Variants in KCND3 observed in about 807,000 individuals in gnomAD.
The protein encoded by KCND3 is A-type voltage-gated potassium channel KCND3.
Under a neutral mutation model 51.1 loss-of-function variants are expected in KCND3, and 9 were observed. That is an observed-to-expected ratio of 0.18 (90% CI 0.11 to 0.31). KCND3 has a LOEUF of 0.31. Among genes scored for constraint, KCND3 ranks in the 10% least tolerant of loss-of-function variants. The pLI is 1.00. For synonymous variants in KCND3, 349 were observed against 368.0 expected, an observed-to-expected ratio of 0.95 and a Z score of 0.59; for missense variants, 526 against 903.8, an observed-to-expected ratio of 0.58 and a Z score of 5.36.
intron 2 of KCND3, among the ~76,000 whole-genome samples, chr1:111,963,517 T>A (rs1053655608): frequency 1.3e-5 from 2 of 152,204 alleles, no homozygotes; most frequent in Admixed American, 6.5e-5. Flanking sequence ...TGCTGTGAAA[T>A]GGAATTAAAC....
intron 2 of KCND3, among the ~76,000 whole-genome samples, chr1:111,888,681 C>A (rs1244624780): frequency 7.2e-4 from 75 of 103,576 alleles, no homozygotes; most frequent in South Asian, 1.1e-3. Context: ...CACTCCATCT[C>A]AAAAAAAAAA....
intron 2 of KCND3, among the ~76,000 whole-genome samples, chr1:111,939,435 T>G (rs774598149): frequency 1.4e-4 from 21 of 152,162 alleles, no homozygotes; most frequent in Non-Finnish European, 2.4e-4. Flanking sequence ...TGTGCCCATA[T>G]GTTCTCATTG....
chr1:111,802,451 T>G (rs1006467646), intron 2 of KCND3, among the ~76,000 whole-genome samples: 8 of 152,272 alleles, frequency 5.3e-5, no homozygotes, highest in African/African-American at 1.4e-4. Flanking sequence ...GTCCCTGGCC[T>G]GCAAGTCTGC....
At chr1:111,887,038 G>A (rs1669602368) in intron 2 of KCND3, among the ~76,000 whole-genome samples, 2 of 152,192 alleles carry the variant, frequency 1.3e-5, no homozygotes, top group African/African-American at 4.8e-5. Flanking sequence ...CCAGGGAAAG[G>A]AGTGAGGCAT....
rs1663994047 is a variant in KCND3, at chr1:111,773,412, T to A, written c.*2665A>T. The A allele has an allele frequency of 8.0e-6, 1 of 125,642 alleles. No individual in the cohort carries two copies. The highest frequency in any genetic ancestry group is 3.2e-5 in the African/African-American group (1 of 30,880). The allele number at this position is 125,642 out of a possible 1,614,324, so 7.8% of individuals were successfully genotyped here. On this transcript the variant is annotated 3_prime_UTR_variant, in exon 8 of 8. Transcript: ENST00000302127. Reference sequence around the variant, plus strand: ...CAACCAGTTCTAATTTACCTCCTTTTTTTTTTTCTTTTCTTTTTTTTTTTT... The same window carrying A: ...CAACCAGTTCTAATTTACCTCCTTTATTTTTTTCTTTTCTTTTTTTTTTTT...
At position 111,883,729 on chromosome 1, in the gene KCND3, T is replaced by C. The variant is rs188845293; in HGVS notation, c.1107-96623A>G. 1.8e-3 allele frequency among the ~76,000 whole-genome samples: 275 copies of C among 152,354 alleles called. 2 individuals carry two copies. Among genetic ancestry groups the C allele is most frequent in the Non-Finnish European group, 2.1e-3 (145 of 68,038 alleles). On this transcript the variant is annotated intron_variant, in intron 2 of 7. Transcript: ENST00000302127. ...AACCATGTCAATGACTCTCCCTTTA[T>C]GCATCCACAGTCCTTTGTTTGAGCC...
chr1:111,872,192 G>A (rs1048037970), intron 2 of KCND3, among the ~76,000 whole-genome samples: 1 of 152,164 alleles, frequency 6.6e-6, no homozygotes, highest in Admixed American at 6.5e-5. Context: ...CCACTTTACA[G>A]GTAAGAGGAC....
At chr1:111,819,239 C>T (rs1188840312) in intron 2 of KCND3, among the ~76,000 whole-genome samples, 2 of 152,164 alleles carry the variant, frequency 1.3e-5, no homozygotes, top group Non-Finnish European at 2.9e-5. Context: ...GAGTGTGGGA[C>T]TGCTTCAGCT....
chr1:111,788,390 G>C (rs1021606772), intron 2 of KCND3, among the ~76,000 whole-genome samples: 5 of 152,170 alleles, frequency 3.3e-5, no homozygotes, highest in Non-Finnish European at 7.4e-5. Context: ...AAACCACGGG[G>C]CTTGGGTTTC....
chr1:111,818,158 C>T (rs1666192373), intron 2 of KCND3, among the ~76,000 whole-genome samples: 1 of 151,972 alleles, frequency 6.6e-6, no homozygotes, highest in African/African-American at 2.4e-5. Context: ...TGGTTCTAGG[C>T]AGTGAAGCTG....
chr1:111,800,549 AT>A (rs763802023), intron 2 of KCND3, among the ~76,000 whole-genome samples: 235 of 136,688 alleles, frequency 1.7e-3, no homozygotes, highest in African/African-American at 5.3e-3. Flanking sequence ...AAAAAAATAA[AT>A]TTAAAAAAAA....
chr1:111,979,512 T>C, intron 2 of KCND3, among the ~76,000 whole-genome samples: 1 of 151,964 alleles, frequency 6.6e-6, no homozygotes. Flanking sequence ...GAGGCCATAA[T>C]AAAAAAGTAA....
intron 2 of KCND3, among the ~76,000 whole-genome samples, chr1:111,804,425 T>C (rs1431220685): frequency 6.6e-6 from 1 of 152,234 alleles, no homozygotes; most frequent in Non-Finnish European, 1.5e-5. Flanking sequence ...ACCCTCCCTT[T>C]ACAACATTTC....
intron 2 of KCND3, among the ~76,000 whole-genome samples, chr1:111,842,785 G>A (rs1018839899): frequency 6.6e-6 from 1 of 152,200 alleles, no homozygotes; most frequent in South Asian, 2.1e-4. Context: ...AAGAGAAAAA[G>A]TTGGGGAGGT....
At chr1:111,907,982 C>G (rs1378917032) in intron 2 of KCND3, among the ~76,000 whole-genome samples, 5 of 152,196 alleles carry the variant, frequency 3.3e-5, no homozygotes, top group Non-Finnish European at 7.3e-5. Context: ...TTCATTTACT[C>G]AATTAATATT....
chr1:111,776,646 A>G (rs997447259), intron 7 of KCND3, among the ~76,000 whole-genome samples: 3 of 152,194 alleles, frequency 2.0e-5, no homozygotes, highest in Non-Finnish European at 2.9e-5. Context: ...TGGGATTCAA[A>G]TCAGCCTAGG....
Position 111,780,854 on chromosome 1 carries a change from G to T in KCND3, c.1270-63C>A. 2.8e-6 allele frequency: 4 copies of T among 1,422,402 alleles called. No individual in the cohort carries two copies. The highest frequency in any genetic ancestry group is 3.9e-6 in the Non-Finnish European group (4 of 1,026,230). The allele number at this position is 1,422,402 out of a possible 1,614,324, so 88.1% of individuals were successfully genotyped here. On this transcript the variant is annotated intron_variant, in intron 3 of 7. Transcript: ENST00000302127. The surrounding 1 kb of genome is among the most constrained non-coding windows in gnomAD (Gnocchi z 4.2). Reference sequence around the variant, plus strand: ...CATGATACAAAAAGACAGCAAGGCTGGTGAAGCTGTGAGGCTGGCTTCCCA... The same window carrying T: ...CATGATACAAAAAGACAGCAAGGCTTGTGAAGCTGTGAGGCTGGCTTCCCA...
At chr1:111,931,165 T>C (rs991453690) in intron 2 of KCND3, among the ~76,000 whole-genome samples, 9 of 151,856 alleles carry the variant, frequency 5.9e-5, no homozygotes, top group African/African-American at 1.9e-4. Flanking sequence ...TGCAAAAGAA[T>C]GGAGGAAAGA....
At chr1:111,955,642 T>G (rs528331174) in intron 2 of KCND3, among the ~76,000 whole-genome samples, 1 of 152,338 alleles carries the variant, frequency 6.6e-6, no homozygotes, top group East Asian at 1.9e-4. Context: ...CTTAATGATT[T>G]TCATATCTTC....
Sources: allele counts gnomAD v4.1 joint callset (sites outside exome capture counted in the v4.1 genomes callset), GRCh38; gene constraint gnomAD v4.1.1; non-coding constraint Gnocchi (gnomAD v3.1); transcripts MANE v1.5; gene names NCBI Gene and HGNC (gene_info 2026-07-23, HGNC 2026-07-21).